Variants in CNBD1 observed in about 807,000 individuals in gnomAD.
CNBD1 encodes the protein cyclic nucleotide-binding domain-containing protein 1.
In CNBD1, 71 loss-of-function variants were observed where a neutral mutation model predicts 54.4. The observed-to-expected ratio is 1.30, with a 90% CI of 1.08 to 1.59. The LOEUF is 1.59. Ranked by LOEUF, CNBD1 falls within the 40% of genes most tolerant of loss-of-function variation. The pLI is 0.00. For missense variants in CNBD1, 659 were observed against 518.0 expected, an observed-to-expected ratio of 1.27 and a Z score of -2.64; for synonymous variants, 182 against 170.7, an observed-to-expected ratio of 1.07 and a Z score of -0.51.
At chr8:87,354,868 G>T (rs191617328) in intron 10 of CNBD1, among the ~76,000 whole-genome samples, 1 of 152,032 alleles carries the variant, frequency 6.6e-6, no homozygotes, top group African/African-American at 2.4e-5. Context: ...AATAACATAC[G>T]TATGCATTTG....
chr8:87,099,018 G>C (rs1488646723), intron 4 of CNBD1, among the ~76,000 whole-genome samples: 2 of 109,256 alleles, frequency 1.8e-5, no homozygotes, highest in Non-Finnish European at 3.4e-5. Flanking sequence ...GCCTGGGACA[G>C]AGCAAGACTG....
intron 6 of CNBD1, among the ~76,000 whole-genome samples, chr8:87,263,705 G>A (rs1258484281): frequency 6.6e-6 from 1 of 151,762 alleles, no homozygotes; most frequent in African/African-American, 2.4e-5. Flanking sequence ...CCTAACCTTT[G>A]GTACTTTACT....
At chr8:87,025,793 G>A (rs13270575) in intron 4 of CNBD1, among the ~76,000 whole-genome samples, 18,699 of 152,094 alleles carry the variant, frequency 0.12, 1,257 homozygotes, top group Middle Eastern at 0.19. Context: ...AAGAAACTCC[G>A]GACACACCAT....
At chr8:87,126,556 C>A (rs1233450900) in intron 4 of CNBD1, among the ~76,000 whole-genome samples, 1 of 151,898 alleles carries the variant, frequency 6.6e-6, no homozygotes, top group Non-Finnish European at 1.5e-5. Context: ...TCTCCTTTAT[C>A]AAATATGTAA....
At chr8:87,227,753 C>A (rs1396525553) in intron 5 of CNBD1, among the ~76,000 whole-genome samples, 1 of 149,348 alleles carries the variant, frequency 6.7e-6, no homozygotes, top group Non-Finnish European at 1.5e-5. Flanking sequence ...ATCTTTGTGG[C>A]GTTCTCTGTA....
intron 4 of CNBD1, among the ~76,000 whole-genome samples, chr8:87,141,222 T>A (rs915797498): frequency 6.6e-6 from 1 of 152,110 alleles, no homozygotes; most frequent in Non-Finnish European, 1.5e-5. Context: ...GATTATTCTC[T>A]TATAAAATCC....
chr8:87,409,946 C>T (rs1036785570), intron 2 of CNBD1, among the ~76,000 whole-genome samples: 8 of 151,910 alleles, frequency 5.3e-5, no homozygotes, highest in African/African-American at 1.5e-4. Flanking sequence ...TCGCTTGAAC[C>T]CAGGAGAGGG....
chr8:86,888,811 C>T (rs899234169), intron 2 of CNBD1, among the ~76,000 whole-genome samples: 4 of 152,030 alleles, frequency 2.6e-5, no homozygotes, highest in African/African-American at 9.7e-5. Flanking sequence ...CTTTCATTTT[C>T]GTTTTGCTTT....
At chr8:87,282,927 T>G (rs1043965122) in intron 6 of CNBD1, among the ~76,000 whole-genome samples, 2 of 152,082 alleles carry the variant, frequency 1.3e-5, no homozygotes, top group Non-Finnish European at 2.9e-5. Flanking sequence ...AAATGCATCT[T>G]TCAGTTTTGT....
intron 5 of CNBD1, among the ~76,000 whole-genome samples, chr8:87,206,476 C>T (rs940510150): frequency 6.6e-6 from 1 of 152,112 alleles, no homozygotes; most frequent in African/African-American, 2.4e-5. Flanking sequence ...ATTTATAATA[C>T]CTCAGGTGAT....
rs912277981 is a variant in CNBD1 at position 87,302,490 on chromosome 8, A to G, written c.1042+15819A>G. ...ATTAGGTATTGATGGGACGTATCTC[A>G]AAATAATAAGAGCTATTTATGACAA... is the stretch of plus-strand genomic sequence containing the variant. On this transcript the variant is annotated intron_variant, in intron 8 of 10. Coordinates refer to ENST00000518476, the MANE Select transcript of CNBD1 (RefSeq NM_173538.3). Among the ~76,000 whole-genome samples the G allele has an allele frequency of 9.9e-5, 15 of 151,992 alleles. 1 individual carries two copies. The highest frequency in any genetic ancestry group is 2.2e-4 in the Non-Finnish European group (15 of 67,982).
intron 8 of CNBD1, among the ~76,000 whole-genome samples, chr8:87,314,806 A>C (rs910756013): frequency 1.3e-5 from 2 of 152,014 alleles, no homozygotes; most frequent in African/African-American, 2.4e-5. Context: ...AAATATCTAG[A>C]AAAAAGTTAC....
At chr8:87,318,945 C>A (rs1328586990) in intron 8 of CNBD1, among the ~76,000 whole-genome samples, 1 of 151,812 alleles carries the variant, frequency 6.6e-6, no homozygotes, top group African/African-American at 2.4e-5. Context: ...AGCTAAGGCT[C>A]ATCAGAGAAA....
chr8:87,208,359 A>C (rs1814022023), intron 5 of CNBD1, among the ~76,000 whole-genome samples: 1 of 152,068 alleles, frequency 6.6e-6, no homozygotes, highest in African/African-American at 2.4e-5. Flanking sequence ...TGTCTAAGTT[A>C]AAATGCTACA....
intron 3 of CNBD1, among the ~76,000 whole-genome samples, chr8:86,926,979 T>C (rs1809372221): frequency 6.6e-6 from 1 of 152,116 alleles, no homozygotes; most frequent in African/African-American, 2.4e-5. Flanking sequence ...CCTGGGGCAA[T>C]GTCAATGTTG....
intron 6 of CNBD1, among the ~76,000 whole-genome samples, chr8:87,281,196 A>G (rs1808591604): frequency 6.6e-6 from 1 of 151,668 alleles, no homozygotes; most frequent in Non-Finnish European, 1.5e-5. Flanking sequence ...TGTATGGAAG[A>G]TAACTCAGCA....
chr8:87,162,798 G>A (rs1296327689), intron 4 of CNBD1, among the ~76,000 whole-genome samples: 2 of 152,058 alleles, frequency 1.3e-5, no homozygotes, highest in Non-Finnish European at 2.9e-5. Flanking sequence ...AAAAGGGAGG[G>A]AAGTGCTATG....
chr8:87,412,558 A>G (rs752870417), intron 2 of CNBD1, among the ~76,000 whole-genome samples: 1 of 152,122 alleles, frequency 6.6e-6, no homozygotes, highest in Non-Finnish European at 1.5e-5. Context: ...AATTTCACCA[A>G]GAAAAATCAC....
At chr8:87,386,834 A>G (rs1260134066), downstream of CNBD1, among the ~76,000 whole-genome samples, 2 of 152,228 alleles carry the variant, frequency 1.3e-5, no homozygotes, top group Non-Finnish European at 2.9e-5. Flanking sequence ...AATGAAGGAA[A>G]AAATATTCAG....
Sources: allele counts gnomAD v4.1 joint callset (sites outside exome capture counted in the v4.1 genomes callset), GRCh38; gene constraint gnomAD v4.1.1; transcripts MANE v1.5; gene names NCBI Gene and HGNC (gene_info 2026-07-23, HGNC 2026-07-21).